The following SDK1 variants were observed in gnomAD, a reference collection of about 807,000 sequenced individuals.
SDK1 encodes sidekick cell adhesion molecule 1.
In SDK1, 157 loss-of-function variants were observed where a neutral mutation model predicts 245.5. The ratio of observed to expected loss-of-function variants is 0.64; its 90% CI spans 0.56 to 0.73. The LOEUF (loss-of-function observed/expected upper bound fraction) is 0.73, where lower values mean the gene tolerates loss of function less well. Among genes scored for constraint, SDK1 ranks in the 30% least tolerant of loss-of-function variants. The pLI is 0.00. For missense variants in SDK1, 3,583 were observed against 3,002.3 expected (o/e 1.19, Z -4.52); for synonymous variants, 1,647 against 1,278.5 (o/e 1.29, Z -6.15).
chr7:3,795,692 C>T (rs545104815), intron 4 of SDK1, among the ~76,000 whole-genome samples: 2 of 152,178 alleles, frequency 1.3e-5, no homozygotes, highest in Admixed American at 1.3e-4. Context: ...AGATTGAGGA[C>T]AGATACCTGA....
chr7:4,010,967 C>G lies in SDK1; in HGVS notation c.2133C>G (p.Asn711Lys). ...LYYIVELSEN[N>K]SPWKVHLSNV... The stretch of plus-strand genomic sequence containing the variant: ...AATTCGTTTTCTTCATTCTTTCAGA[C>G]TCTCCATGGAAGGTGCATCTGTCAA... Residue 711 changes from asparagine to lysine, a missense_variant and splice_region_variant, in exon 15 of 45, where the codon AAC becomes AAG. Coordinates refer to ENST00000404826, the MANE Select transcript of SDK1 (RefSeq NM_152744.4). The G allele has an allele frequency of 6.2e-7, 1 of 1,614,128 alleles. No individual in the cohort carries two copies.
chr7:3,464,698 G>GTA (rs141577885), intron 1 of SDK1, among the ~76,000 whole-genome samples: 25,661 of 147,612 alleles, frequency 0.17, 2,346 homozygotes, highest in African/African-American at 0.24. Context: ...GTGTATGTAT[G>GTA]TATATATATA....
intron 5 of SDK1, among the ~76,000 whole-genome samples, chr7:3,893,131 G>A (rs1224713487): frequency 6.6e-6 from 1 of 152,132 alleles, no homozygotes; most frequent in African/African-American, 2.4e-5. Context: ...TAACTCTCAG[G>A]GCTGTGGGTA....
At chr7:4,071,344 A>G (rs1281664156) in intron 20 of SDK1, among the ~76,000 whole-genome samples, 1 of 152,236 alleles carries the variant, frequency 6.6e-6, no homozygotes, top group Non-Finnish European at 1.5e-5. Flanking sequence ...CTTTTAAAAA[A>G]AGTAAATTAA....
intron 4 of SDK1, among the ~76,000 whole-genome samples, chr7:3,805,943 C>T (rs934742540): frequency 1.3e-5 from 2 of 152,176 alleles, no homozygotes; most frequent in African/African-American, 2.4e-5. Context: ...TCTTCCTTTA[C>T]AGAGCTATTC....
chr7:3,820,597 C>A (rs933083077), intron 4 of SDK1, among the ~76,000 whole-genome samples: 3 of 152,106 alleles, frequency 2.0e-5, no homozygotes, highest in Non-Finnish European at 2.9e-5. Context: ...TGTTTTTATT[C>A]TTTTTTAAAA....
rs147813547 is a variant in SDK1, at chr7:4,148,346, C to T, written c.4424-916C>T. On this transcript the variant is annotated intron_variant, in intron 29 of 44. Transcript: ENST00000404826. ...AATTAAACAATTATTCCTTCCGCCG[C>T]GGAACTTCTCTGCTGAAATCGATGG... Among the ~76,000 whole-genome samples the T allele has an allele frequency of 3.9e-5, 6 of 152,350 alleles. No individual in the cohort carries two copies. In the South Asian group the frequency reaches 6.2e-4, roughly 16 times the overall value.
intron 1 of SDK1, among the ~76,000 whole-genome samples, chr7:3,423,304 TTCTG>T (rs1779582850): frequency 6.6e-6 from 1 of 152,204 alleles, no homozygotes; most frequent in Admixed American, 6.5e-5. Context: ...GCCCTGAATT[TTCTG>T]TCTTAGGAGG....
chr7:3,492,531 C>T (rs967648820), intron 1 of SDK1, among the ~76,000 whole-genome samples: 2 of 152,160 alleles, frequency 1.3e-5, no homozygotes, highest in Non-Finnish European at 2.9e-5. Context: ...AAAAACCTGA[C>T]GGATGTCAGT....
intron 1 of SDK1, among the ~76,000 whole-genome samples, chr7:3,494,850 A>G (rs933187013): frequency 1.3e-5 from 2 of 152,212 alleles, no homozygotes; most frequent in African/African-American, 4.8e-5. Context: ...TAATGTGTAT[A>G]AGAAGTGATG....
At chr7:3,490,502 A>G (rs541021418) in intron 1 of SDK1, among the ~76,000 whole-genome samples, 1 of 152,326 alleles carries the variant, frequency 6.6e-6, no homozygotes, top group African/African-American at 2.4e-5. Context: ...AAAGATTACC[A>G]TTCGTTTTCT....
At chr7:3,534,868 C>T (rs995449654) in intron 1 of SDK1, among the ~76,000 whole-genome samples, 4 of 152,198 alleles carry the variant, frequency 2.6e-5, no homozygotes, top group Middle Eastern at 3.2e-3. Context: ...CCCATCTTCC[C>T]TTCTCTTTAT....
At chr7:3,849,946 T>G (rs1429858696) in intron 5 of SDK1, among the ~76,000 whole-genome samples, 1 of 152,218 alleles carries the variant, frequency 6.6e-6, no homozygotes, top group Non-Finnish European at 1.5e-5. Flanking sequence ...ATTCAGAAGT[T>G]TGGAAGAATA....
chr7:3,814,376 TC>T (rs1386990538), intron 4 of SDK1, among the ~76,000 whole-genome samples: 1 of 150,044 alleles, frequency 6.7e-6, no homozygotes, highest in African/African-American at 2.5e-5. Flanking sequence ...GGGAATCCTT[TC>T]CCCATTGCTT....
At chr7:4,242,049 C>T (rs1355246226) in intron 43 of SDK1, 136 bp downstream of exon 43, 9 of 1,007,132 alleles carry the variant, frequency 8.9e-6, no homozygotes, top group South Asian at 1.6e-5. Flanking sequence ...CCGCCAAGTG[C>T]GCTCCCAAAC....
At chr7:3,352,615 T>C (rs12700816) in intron 1 of SDK1, among the ~76,000 whole-genome samples, 1 of 152,064 alleles carries the variant, frequency 6.6e-6, no homozygotes, top group Non-Finnish European at 1.5e-5. Context: ...TATTTCTGTT[T>C]CCATGTTGAA....
rs551341462 is a variant in SDK1, at chr7:4,158,563, G to A, written c.4729+12G>A. 288 of 1,598,862 alleles carry A rather than the reference G, an allele frequency of 1.8e-4. 3 individuals are homozygous for A. The South Asian group carries it at 2.7e-3, about 15-fold the overall frequency. On this transcript the variant is annotated intron_variant, in intron 31 of 44. Coordinates refer to ENST00000404826, the MANE Select transcript of SDK1 (RefSeq NM_152744.4). ...CACGCTGCAGGATGGTGAGCAACCC[G>A]GGGCCCAGACCGCGTTCCTGGCCGC...
At chr7:4,056,967 A>G (rs1779243487) in intron 19 of SDK1, among the ~76,000 whole-genome samples, 1 of 152,252 alleles carries the variant, frequency 6.6e-6, no homozygotes, top group African/African-American at 2.4e-5. Context: ...GGCTGCTGCC[A>G]CCAGAGGCAA....
intron 5 of SDK1, among the ~76,000 whole-genome samples, chr7:3,829,944 G>C (rs1779873747): frequency 6.6e-6 from 1 of 152,180 alleles, no homozygotes; most frequent in South Asian, 2.1e-4. Context: ...ATGCACTGGA[G>C]TCAGTGCTTA....
Sources: gnomAD v4.1 joint callset for allele counts (sites outside exome capture counted in the v4.1 genomes callset) on GRCh38, gnomAD v4.1.1 for gene constraint, MANE v1.5 for transcripts, NCBI Gene and HGNC (gene_info 2026-07-23, HGNC 2026-07-21) for gene names.